CACNB2: variants seen among roughly 807,000 people sequenced by gnomAD.
CACNB2 encodes calcium voltage-gated channel auxiliary subunit beta 2.
Under a neutral mutation model 73.3 loss-of-function variants are expected in CACNB2, and 42 were observed. That is an observed-to-expected ratio of 0.57 (90% CI 0.45 to 0.74). The LOEUF (loss-of-function observed/expected upper bound fraction) is 0.74, where lower values mean the gene tolerates loss of function less well. Among genes scored for constraint, CACNB2 ranks in the 30% least tolerant of loss-of-function variants. The pLI is 0.00. For synonymous variants in CACNB2, 348 were observed against 310.3 expected, an observed-to-expected ratio of 1.12 and a Z score of -1.28; for missense variants, 940 against 853.0, an observed-to-expected ratio of 1.10 and a Z score of -1.27.
intron 2 of CACNB2, among the ~76,000 whole-genome samples, chr10:18,185,923 T>C (rs2034127737): frequency 6.6e-6 from 1 of 151,618 alleles, no homozygotes. Flanking sequence ...GAGTCAGGGG[T>C]GATTGGTGGT....
rs1589754390 is a variant in CACNB2, at chr10:18,536,096, T to C, written c.1207-5T>C. 4 of 1,558,842 alleles carry C rather than the reference T, an allele frequency of 2.6e-6. No individual in the cohort carries two copies. Among genetic ancestry groups the C allele is most frequent in the Non-Finnish European group, 3.5e-6 (4 of 1,130,004 alleles). On this transcript the variant is annotated splice_region_variant and splice_polypyrimidine_tract_variant and intron_variant, in intron 11 of 13. Transcript: ENST00000324631. Reference sequence around the variant, plus strand: ...ACTCTGTTAAAAACTCATTATCTTTTACAGGTTTTACAAAGGTTAATAAAA... The same window carrying C: ...ACTCTGTTAAAAACTCATTATCTTTCACAGGTTTTACAAAGGTTAATAAAA...
chr10:18,468,592 TTTTTG>T (rs1387405072), intron 3 of CACNB2, among the ~76,000 whole-genome samples: 6 of 152,112 alleles, frequency 3.9e-5, no homozygotes, highest in African/African-American at 1.2e-4. Flanking sequence ...CGTCTGATTT[TTTTTG>T]TTTTGTTTTA....
intron 2 of CACNB2, among the ~76,000 whole-genome samples, chr10:18,178,230 G>A (rs890141111): frequency 2.6e-5 from 4 of 152,114 alleles, no homozygotes; most frequent in African/African-American, 4.8e-5. Context: ...GGACTTTACC[G>A]TTGAAATGAG....
intron 2 of CACNB2, among the ~76,000 whole-genome samples, chr10:18,383,426 G>A (rs982885107): frequency 2.0e-5 from 3 of 152,296 alleles, no homozygotes; most frequent in African/African-American, 7.2e-5. Flanking sequence ...ACGCAGTACA[G>A]GTGAGTGACT....
intron 2 of CACNB2, among the ~76,000 whole-genome samples, chr10:18,234,620 G>T (rs1217483501): frequency 6.6e-6 from 1 of 152,142 alleles, no homozygotes; most frequent in African/African-American, 2.4e-5. Flanking sequence ...GTCACAAAAA[G>T]GACAAATATG....
chr10:18,462,248 C>T (rs1026578240), intron 3 of CACNB2, among the ~76,000 whole-genome samples: 4 of 152,090 alleles, frequency 2.6e-5, no homozygotes, highest in Admixed American at 6.5e-5. Context: ...CAAATAGGAG[C>T]GCTGGTTGGT....
intron 2 of CACNB2, among the ~76,000 whole-genome samples, chr10:18,167,012 C>A (rs1167404701): frequency 6.6e-6 from 1 of 152,208 alleles, no homozygotes; most frequent in Non-Finnish European, 1.5e-5. Flanking sequence ...GAGAATAAGA[C>A]TGGAAATCCT....
chr10:18,281,090 C>T (rs767980655), intron 2 of CACNB2, among the ~76,000 whole-genome samples: 7 of 152,212 alleles, frequency 4.6e-5, no homozygotes, highest in Non-Finnish European at 8.8e-5. Context: ...ATCTATGCTT[C>T]TTCCACCATT....
chr10:18,539,887 T>A lies in CACNB2; in HGVS notation c.*163T>A. On this transcript the variant is annotated 3_prime_UTR_variant, in exon 14 of 14. Transcript: ENST00000324631. ...TTGAATAGCAATAGCATGGATAGAG[T>A]ATTGAGATACTTTTTCTTTTGTAAG... 1.3e-6 allele frequency: 1 copy of A among 771,112 alleles called. No homozygotes were observed. The highest frequency in any genetic ancestry group is 2.0e-6 in the Non-Finnish European group (1 of 494,780). The allele number at this position is 771,112 out of a possible 1,614,324, so 47.8% of individuals were successfully genotyped here.
chr10:18,418,793 T>C (rs1319664229), intron 3 of CACNB2, among the ~76,000 whole-genome samples: 2 of 152,212 alleles, frequency 1.3e-5, no homozygotes, highest in Non-Finnish European at 1.5e-5. Context: ...ACCAGTATCA[T>C]GGTCTCATCC....
chr10:18,486,610 G>A (rs1461476048), intron 3 of CACNB2, among the ~76,000 whole-genome samples: 1 of 152,152 alleles, frequency 6.6e-6, no homozygotes, highest in Non-Finnish European at 1.5e-5. Context: ...TATCCTTCCA[G>A]CCCTGCCAGA....
At chr10:18,263,054 T>G (rs1185244621) in intron 2 of CACNB2, among the ~76,000 whole-genome samples, 1 of 152,208 alleles carries the variant, frequency 6.6e-6, no homozygotes, top group South Asian at 2.1e-4. Flanking sequence ...CCTTGGTCAC[T>G]AGAAATAAAT....
chr10:18,231,915 A>G (rs2036239456), intron 2 of CACNB2, among the ~76,000 whole-genome samples: 1 of 152,224 alleles, frequency 6.6e-6, no homozygotes. Flanking sequence ...AACTCTTAGC[A>G]GTGATTGTGA....
intron 2 of CACNB2, among the ~76,000 whole-genome samples, chr10:18,194,898 TC>T (rs2034559736): frequency 6.6e-6 from 1 of 152,230 alleles, no homozygotes; most frequent in African/African-American, 2.4e-5. Flanking sequence ...GATGTTGATT[TC>T]CAGTTTCTCA....
At chr10:18,206,045 T>C (rs989005839) in intron 2 of CACNB2, 6 of 152,668 alleles carry the variant, frequency 3.9e-5, no homozygotes, top group African/African-American at 1.4e-4. Context: ...TAGAGTGCAG[T>C]GGTGCAATCT....
chr10:18,428,395 A>C (rs2045712597), intron 3 of CACNB2, among the ~76,000 whole-genome samples: 1 of 152,114 alleles, frequency 6.6e-6, no homozygotes, highest in South Asian at 2.1e-4. Flanking sequence ...TTCTTTAAGA[A>C]TTACTTTCTG....
In CACNB2 at chr10:18,233,806, C is replaced by T. The variant is rs186410660; in HGVS notation, c.213+82831C>T. Among the ~76,000 whole-genome samples the T allele has an allele frequency of 2.4e-4, 36 of 152,216 alleles. No individual in the cohort carries two copies. In the East Asian group the frequency reaches 5.0e-3, roughly 21 times the overall value. On this transcript the variant is annotated intron_variant, in intron 2 of 13. Coordinates refer to ENST00000324631, the MANE Select transcript of CACNB2 (RefSeq NM_201596.3). ...ACAAAAGAATAAAAAATAAGATCCC[C>T]GCTCCCAAGAGCTTATTTATCAACA...
At chr10:18,536,498 G>A (rs1489116914) in intron 12 of CACNB2, among the ~76,000 whole-genome samples, 6 of 151,704 alleles carry the variant, frequency 4.0e-5, no homozygotes, top group Admixed American at 3.9e-4. Flanking sequence ...CTGGCCTGAA[G>A]TGATCCTCCT....
At chr10:18,408,562 G>C (rs2044427149) in intron 3 of CACNB2, among the ~76,000 whole-genome samples, 2 of 151,982 alleles carry the variant, frequency 1.3e-5, no homozygotes, top group Non-Finnish European at 1.5e-5. Context: ...CTTAGCTAGG[G>C]AGTATAGGTG....
Sources: gnomAD v4.1 joint callset for allele counts (sites outside exome capture counted in the v4.1 genomes callset) on GRCh38, gnomAD v4.1.1 for gene constraint, MANE v1.5 for transcripts, NCBI Gene and HGNC (gene_info 2026-07-23, HGNC 2026-07-21) for gene names.